Variants in KCNQ3 observed in about 807,000 individuals in gnomAD.
The protein encoded by KCNQ3 is potassium voltage-gated channel subfamily KQT member 3.
Under a neutral mutation model 92.5 loss-of-function variants are expected in KCNQ3, and 30 were observed. The observed-to-expected ratio is 0.32, with a 90% CI of 0.24 to 0.44. The LOEUF is 0.44. Ranked by LOEUF, KCNQ3 falls within the 20% of genes least tolerant of loss-of-function variation. The probability of loss-of-function intolerance (pLI) is 1.00; values close to 1 mark genes in which losing one functional copy is unlikely to be tolerated. For synonymous variants in KCNQ3, 450 were observed against 468.8 expected (o/e 0.96, Z 0.52); for missense variants, 913 against 1,140.3 (o/e 0.80, Z 2.87).
At chr8:132,264,388 G>T (rs1815907654) in intron 1 of KCNQ3, among the ~76,000 whole-genome samples, 1 of 152,178 alleles carries the variant, frequency 6.6e-6, no homozygotes, top group South Asian at 2.1e-4. Flanking sequence ...ACGTATTGGG[G>T]TCATCTCCCC....
chr8:132,296,342 G>C (rs1817020351), intron 1 of KCNQ3, among the ~76,000 whole-genome samples: 1 of 151,948 alleles, frequency 6.6e-6, no homozygotes, highest in South Asian at 2.1e-4. Flanking sequence ...GGGTAGCAAA[G>C]CCAGGATTTG....
At chr8:132,314,507 C>G (rs1817683700) in intron 1 of KCNQ3, among the ~76,000 whole-genome samples, 6 of 152,050 alleles carry the variant, frequency 3.9e-5, no homozygotes, top group Admixed American at 3.9e-4. Context: ...TTCAGAAAAA[C>G]AGAGTAATAA....
At chr8:132,378,577 G>C (rs1027725073) in intron 1 of KCNQ3, among the ~76,000 whole-genome samples, 1 of 152,092 alleles carries the variant, frequency 6.6e-6, no homozygotes, top group African/African-American at 2.4e-5. Context: ...AGATACTCTT[G>C]CCTTGCCACT....
chr8:132,329,436 A>G (rs1818165369), intron 1 of KCNQ3, among the ~76,000 whole-genome samples: 1 of 152,228 alleles, frequency 6.6e-6, no homozygotes, highest in Non-Finnish European at 1.5e-5. Flanking sequence ...TATATATAGC[A>G]AAACGTCTGC....
At chr8:132,302,873 T>G (rs143468165) in intron 1 of KCNQ3, among the ~76,000 whole-genome samples, 2 of 152,330 alleles carry the variant, frequency 1.3e-5, no homozygotes, top group African/African-American at 4.8e-5. Flanking sequence ...TGTATGTGTC[T>G]GTCCAGGAGG....
chr8:132,201,846 G>A (rs935927740), intron 1 of KCNQ3, among the ~76,000 whole-genome samples: 4 of 152,158 alleles, frequency 2.6e-5, no homozygotes, highest in South Asian at 2.1e-4. Context: ...CTGCCCTAGC[G>A]AGGTCTCTCT....
chr8:132,380,213 T>C (rs1819710764), intron 1 of KCNQ3, among the ~76,000 whole-genome samples: 1 of 152,158 alleles, frequency 6.6e-6, no homozygotes, highest in Non-Finnish European at 1.5e-5. Context: ...ACCACTTGTC[T>C]GCACCCGGCA....
At chr8:132,174,766 G>A (rs78847850) in intron 5 of KCNQ3, among the ~76,000 whole-genome samples, 21 of 152,286 alleles carry the variant, frequency 1.4e-4, no homozygotes, top group African/African-American at 5.1e-4. Flanking sequence ...ATTCTTGTGT[G>A]TGTTTACATG....
chr8:132,464,664 C>A lies in KCNQ3; in HGVS notation c.386+15483G>T, dbSNP rs886182681. Among the ~76,000 whole-genome samples, 7 of 152,316 alleles carry A rather than the reference C, an allele frequency of 4.6e-5. No individual in the cohort carries two copies. In the East Asian group the frequency reaches 1.4e-3, roughly 29 times the overall value. Reference sequence around the variant, plus strand: ...AAACGAAGGAGGAAGTGGTCTCCATCCTGTACACATGATGAAATGTACTTG... The same window carrying A: ...AAACGAAGGAGGAAGTGGTCTCCATACTGTACACATGATGAAATGTACTTG... On this transcript the variant is annotated intron_variant, in intron 1 of 14. Transcript: ENST00000388996.
At position 132,141,241 on chromosome 8, in the gene KCNQ3, A is replaced by G; in HGVS notation, c.1353T>C (p.Asp451=). 1 of 1,614,206 alleles carries G rather than the reference A, an allele frequency of 6.2e-7. No homozygotes were observed. ...KGKLFTPLNV[D]AIEESPSKEP... ...CTTTAGAAGGACTTTCTTCTATGGC[A>G]TCTACATTCAGAGGGGTAAATAGCT... is the stretch of plus-strand genomic sequence containing the variant. The change falls in exon 10 of 15, where the codon GAT becomes GAC. Residue 451 remains aspartate (D), a synonymous_variant. Transcript: ENST00000388996.
intron 8 of KCNQ3, among the ~76,000 whole-genome samples, chr8:132,166,452 G>A (rs964793922): frequency 1.3e-5 from 2 of 151,906 alleles, no homozygotes; most frequent in East Asian, 3.9e-4. Flanking sequence ...GTACCCCCTC[G>A]GACCCTTATG....
chr8:132,477,638 T>C (rs546934347), intron 1 of KCNQ3, among the ~76,000 whole-genome samples: 12 of 152,332 alleles, frequency 7.9e-5, no homozygotes, highest in Admixed American at 1.3e-4. Context: ...TCCCAATTTA[T>C]CAGAATCCGC....
At chr8:132,427,637 G>A (rs1172116829) in intron 1 of KCNQ3, among the ~76,000 whole-genome samples, 3 of 152,208 alleles carry the variant, frequency 2.0e-5, no homozygotes, top group Non-Finnish European at 4.4e-5. Flanking sequence ...CAAGGCCTGG[G>A]ATCTGGGCAG....
chr8:132,371,599 T>C (rs1290611830), intron 1 of KCNQ3, among the ~76,000 whole-genome samples: 1 of 152,202 alleles, frequency 6.6e-6, no homozygotes, highest in Non-Finnish European at 1.5e-5. Flanking sequence ...AATCCCTCTC[T>C]GAGATCTTGC....
At chr8:132,413,346 G>A (rs1220550995) in intron 1 of KCNQ3, among the ~76,000 whole-genome samples, 1 of 152,124 alleles carries the variant, frequency 6.6e-6, no homozygotes, top group Admixed American at 6.5e-5. Flanking sequence ...CTTCACCTAC[G>A]TTATTTCAAG....
intron 1 of KCNQ3, among the ~76,000 whole-genome samples, chr8:132,242,261 G>A (rs77687167): frequency 0.014 from 2,183 of 152,254 alleles, 24 homozygotes; most frequent in Non-Finnish European, 0.022. Context: ...AACACCTACT[G>A]TCCATAGGAC....
chr8:132,308,273 C>G (rs1477614090), intron 1 of KCNQ3, among the ~76,000 whole-genome samples: 1 of 152,060 alleles, frequency 6.6e-6, no homozygotes, highest in Non-Finnish European at 1.5e-5. Flanking sequence ...TCAGTAGCTC[C>G]AACTGCAACC....
chr8:132,176,911 G>C (rs1445753058), intron 4 of KCNQ3, among the ~76,000 whole-genome samples: 1 of 152,218 alleles, frequency 6.6e-6, no homozygotes, highest in Non-Finnish European at 1.5e-5. Flanking sequence ...GTACGGGTGT[G>C]AGTTTGGTCT....
chr8:132,130,102 A>AGAC (rs1824831052), intron 14 of KCNQ3, 106 bp from the exon 15 acceptor site: 1 of 1,034,704 alleles, frequency 9.7e-7, no homozygotes, highest in Non-Finnish European at 1.3e-6. Flanking sequence ...TTTTTTTTTG[A>AGAC]GACGAAGTCT....
Sources: allele counts gnomAD v4.1 joint callset (sites outside exome capture counted in the v4.1 genomes callset), GRCh38; gene constraint gnomAD v4.1.1; transcripts MANE v1.5; gene names NCBI Gene and HGNC (gene_info 2026-07-23, HGNC 2026-07-21).